CHST9: variants seen among roughly 807,000 people sequenced by gnomAD.
The protein encoded by CHST9 is GalNAc-4-sulfotransferase 2.
A neutral mutation model predicts 44.4 loss-of-function variants in CHST9; 41 were observed. The observed-to-expected ratio is 0.92, with a 90% CI of 0.72 to 1.20. CHST9 has a LOEUF of 1.20. CHST9 is among the 50% of genes most tolerant of loss of function. The pLI, the probability that CHST9 is intolerant of heterozygous loss-of-function variation, is 0.00. For synonymous variants in CHST9, 171 were observed against 178.4 expected (o/e 0.96, Z 0.33); for missense variants, 504 against 516.5 (o/e 0.98, Z 0.23).
At chr18:27,093,446 G>A (rs2058087889) in intron 2 of CHST9, among the ~76,000 whole-genome samples, 1 of 152,220 alleles carries the variant, frequency 6.6e-6, no homozygotes, top group African/African-American at 2.4e-5. Flanking sequence ...TCAAGCCTCA[G>A]CAATGGCAGA....
chr18:27,165,240 A>T (rs188375261), intron 1 of CHST9, among the ~76,000 whole-genome samples: 5 of 152,356 alleles, frequency 3.3e-5, no homozygotes, highest in African/African-American at 1.2e-4. Context: ...AGTGATACAA[A>T]CTTAGAACTT....
At chr18:26,982,882 G>A (rs2056709899) in intron 4 of CHST9, among the ~76,000 whole-genome samples, 2 of 152,164 alleles carry the variant, frequency 1.3e-5, no homozygotes, top group Non-Finnish European at 2.9e-5. Flanking sequence ...CACACTCTGG[G>A]AATTCAACGG....
intron 2 of CHST9, among the ~76,000 whole-genome samples, chr18:27,113,912 C>G (rs974502234): frequency 6.6e-6 from 1 of 152,156 alleles, no homozygotes; most frequent in African/African-American, 2.4e-5. Flanking sequence ...AAAATTTTAG[C>G]ATTTTGCAAA....
At chr18:27,162,041 A>T (rs1300664015) in intron 1 of CHST9, among the ~76,000 whole-genome samples, 1 of 151,998 alleles carries the variant, frequency 6.6e-6, no homozygotes, top group East Asian at 1.9e-4. Context: ...CAGCACACTG[A>T]TGGGTCTTGA....
intron 4 of CHST9, among the ~76,000 whole-genome samples, chr18:27,015,323 T>TTTGTGTGTG (rs369592806): frequency 4.1e-5 from 6 of 146,344 alleles, no homozygotes; most frequent in Non-Finnish European, 9.0e-5. Context: ...AGAGAGGCAG[T>TTTGTGTGTG]TGTGTGTGTG....
intron 1 of CHST9, among the ~76,000 whole-genome samples, chr18:27,146,775 C>T (rs1224438566): frequency 6.6e-6 from 1 of 152,086 alleles, no homozygotes; most frequent in Non-Finnish European, 1.5e-5. Context: ...ATCCTTAGTC[C>T]TAACCTCCAA....
intron 5 of CHST9, among the ~76,000 whole-genome samples, chr18:26,942,354 C>A (rs1037710025): frequency 2.0e-5 from 3 of 152,096 alleles, no homozygotes; most frequent in Non-Finnish European, 4.4e-5. Context: ...AAGGAGACGA[C>A]GATCTGTTCT....
intron 1 of CHST9, among the ~76,000 whole-genome samples, chr18:27,160,306 GT>G (rs2058735295): frequency 6.6e-6 from 1 of 152,144 alleles, no homozygotes; most frequent in Non-Finnish European, 1.5e-5. Context: ...TTTATTGAGA[GT>G]TTTTAGCATG....
At chr18:27,054,367 T>C (rs2057626555) in intron 2 of CHST9, among the ~76,000 whole-genome samples, 1 of 152,218 alleles carries the variant, frequency 6.6e-6, no homozygotes, top group Admixed American at 6.5e-5. Context: ...CATTAAAATA[T>C]GGTTTGCATC....
intron 2 of CHST9, among the ~76,000 whole-genome samples, chr18:27,135,084 A>ATT (rs2058502737): frequency 6.6e-6 from 1 of 152,196 alleles, no homozygotes; most frequent in Non-Finnish European, 1.5e-5. Flanking sequence ...GAGTATGCAT[A>ATT]TGTTAAGTGG....
At chr18:27,135,212 CA>C (rs1472122140) in intron 2 of CHST9, among the ~76,000 whole-genome samples, 13 of 152,018 alleles carry the variant, frequency 8.6e-5, no homozygotes, top group East Asian at 3.9e-4. Flanking sequence ...AAACAAGGGA[CA>C]AAAAAGTGCT....
At chr18:27,008,130 G>T (rs2057039542) in intron 4 of CHST9, among the ~76,000 whole-genome samples, 1 of 152,170 alleles carries the variant, frequency 6.6e-6, no homozygotes, top group Non-Finnish European at 1.5e-5. Flanking sequence ...CTCCTCCCTT[G>T]TAACAGGAGA....
In CHST9 at chr18:26,956,358, T is replaced by C. The variant is rs2056324846; in HGVS notation, c.203-11992A>G. Among the ~76,000 whole-genome samples the C allele has an allele frequency of 2.1e-5, 3 of 143,538 alleles. No individual in the cohort carries two copies. The South Asian group carries it at 6.4e-4, about 31-fold the overall frequency. 94.2% of individuals were successfully genotyped at this position (143,538 alleles called of 152,430 possible). On this transcript the variant is annotated intron_variant, in intron 4 of 5. Transcript: ENST00000618847. ...ATATATATATATACACACACAATTA[T>C]ATCATATATACAAATATACATATAT...
chr18:26,916,408 A>T lies in CHST9; in HGVS notation c.1183T>A (p.Phe395Ile). ...TCATCGGAAGAGTGCCTATCCTTAAAGTTGGGAAATTTCAGCTCCTTTGGA... is the reference window on the plus strand; with the variant it reads ...TCATCGGAAGAGTGCCTATCCTTAATGTTGGGAAATTTCAGCTCCTTTGGA... ...GAPKELKFPN[F>I]KDRHSSDERT... Residue 395 changes from phenylalanine (F) to isoleucine (I), a missense_variant, in exon 6 of 6, where the codon TTT (phenylalanine) becomes ATT (isoleucine). By Grantham distance (21) the Phe-to-Ile change is conservative. Coordinates refer to ENST00000618847, the MANE Select transcript of CHST9 (RefSeq NM_031422.6). The T allele has an allele frequency of 4.3e-6, 7 of 1,613,818 alleles. No homozygotes were observed. The highest frequency in any genetic ancestry group is 5.9e-6 in the Non-Finnish European group (7 of 1,179,752).
At chr18:26,998,725 C>CAAA in intron 4 of CHST9, among the ~76,000 whole-genome samples, 1 of 57,066 alleles carries the variant, frequency 1.8e-5, no homozygotes, top group East Asian at 4.0e-4. Flanking sequence ...CAAAACAAAA[C>CAAA]AAAACAACAA....
chr18:27,104,230 A>C (rs2058200338), intron 2 of CHST9, among the ~76,000 whole-genome samples: 1 of 149,828 alleles, frequency 6.7e-6, no homozygotes, highest in African/African-American at 2.5e-5. Flanking sequence ...TATAAATTGC[A>C]ACAGATGGAC....
intron 4 of CHST9, among the ~76,000 whole-genome samples, chr18:27,017,411 G>C (rs1043261841): frequency 1.3e-5 from 2 of 152,094 alleles, no homozygotes; most frequent in African/African-American, 4.8e-5. Context: ...TCATACAGTA[G>C]AATATCACAC....
intron 2 of CHST9, among the ~76,000 whole-genome samples, chr18:27,084,939 C>T (rs777591657): frequency 6.7e-6 from 1 of 149,944 alleles, no homozygotes; most frequent in Non-Finnish European, 1.5e-5. Flanking sequence ...TGTTTAATTT[C>T]CATGAAATTA....
At chr18:27,124,949 A>G (rs976256213) in intron 2 of CHST9, among the ~76,000 whole-genome samples, 1 of 152,184 alleles carries the variant, frequency 6.6e-6, no homozygotes, top group Non-Finnish European at 1.5e-5. Flanking sequence ...CTCCCGAGCA[A>G]ACTTAAAAGA....
Sources: gnomAD v4.1 joint callset for allele counts (sites outside exome capture counted in the v4.1 genomes callset) on GRCh38, gnomAD v4.1.1 for gene constraint, MANE v1.5 for transcripts, NCBI Gene and HGNC (gene_info 2026-07-23, HGNC 2026-07-21) for gene names.